The following LOC128125817 variants were observed in gnomAD, a reference collection of about 807,000 sequenced individuals.
the LOC128125817 span, chr1:41,628,620 C>G: frequency 1.3e-6 from 1 of 758,186 alleles, no homozygotes; most frequent in Non-Finnish European, 1.8e-6. Context: ...CACAGAGGCA[C>G]CAGAAAGGCA....
At chr1:41,599,057 T>C in the LOC128125817 span, among the ~76,000 whole-genome samples, 4 of 152,124 alleles carry the variant, frequency 2.6e-5, no homozygotes, top group African/African-American at 9.7e-5. Context: ...GCTCAAGTGA[T>C]CCACCCACCT....
At chr1:41,622,610 G>A in the LOC128125817 span, among the ~76,000 whole-genome samples, 6 of 152,186 alleles carry the variant, frequency 3.9e-5, no homozygotes, top group Non-Finnish European at 5.9e-5. Context: ...CTATATGCCC[G>A]GCAAAGCTTC....
the LOC128125817 span, among the ~76,000 whole-genome samples, chr1:41,608,981 G>A: frequency 8.6e-5 from 13 of 151,930 alleles, no homozygotes; most frequent in African/African-American, 3.1e-4. Flanking sequence ...TTACTTGGAA[G>A]GTTGAGGCAG....
chr1:41,628,391 C>T, the LOC128125817 span, among the ~76,000 whole-genome samples: 5 of 152,188 alleles, frequency 3.3e-5, no homozygotes, highest in Admixed American at 1.3e-4. Context: ...CAGGAGCACA[C>T]AGTTGGACTG....
chr1:41,615,269 G>T, the LOC128125817 span, among the ~76,000 whole-genome samples: 1 of 152,184 alleles, frequency 6.6e-6, no homozygotes, highest in Non-Finnish European at 1.5e-5. Flanking sequence ...AGAACTTCCA[G>T]CATGTTCTCC....
At chr1:41,610,060 T>C in the LOC128125817 span, among the ~76,000 whole-genome samples, 7 of 152,212 alleles carry the variant, frequency 4.6e-5, no homozygotes, top group Admixed American at 2.0e-4. Flanking sequence ...CCTTTAGCCT[T>C]GGCTCCTCCT....
At chr1:41,593,231 C>T in the LOC128125817 span, among the ~76,000 whole-genome samples, 4 of 152,384 alleles carry the variant, frequency 2.6e-5, no homozygotes, top group African/African-American at 9.6e-5. Flanking sequence ...CCTGTCCCCA[C>T]ATGCCCCTCC....
At chr1:41,605,469 C>T in the LOC128125817 span, among the ~76,000 whole-genome samples, 1 of 151,628 alleles carries the variant, frequency 6.6e-6, no homozygotes, top group Non-Finnish European at 1.5e-5. Context: ...GTGTACATAA[C>T]TGTATGTATG....
chr1:41,621,533 G>A, the LOC128125817 span, among the ~76,000 whole-genome samples: 9 of 152,142 alleles, frequency 5.9e-5, no homozygotes, highest in Non-Finnish European at 7.3e-5. Flanking sequence ...TTTGTTTTTC[G>A]AGACAGGGTC....
chr1:41,626,814 G>A, the LOC128125817 span, among the ~76,000 whole-genome samples: 1 of 152,298 alleles, frequency 6.6e-6, no homozygotes, highest in African/African-American at 2.4e-5. Context: ...GACATTCCTG[G>A]GGAAGGGGTC....
At chr1:41,624,092 G>A in the LOC128125817 span, among the ~76,000 whole-genome samples, 3 of 152,120 alleles carry the variant, frequency 2.0e-5, no homozygotes, top group African/African-American at 7.2e-5. Context: ...GCCTCCCTGG[G>A]TTGCGAAGAG....
chr1:41,596,683 C>T, the LOC128125817 span, among the ~76,000 whole-genome samples: 2 of 152,310 alleles, frequency 1.3e-5, no homozygotes, highest in South Asian at 2.1e-4. Flanking sequence ...CTTACACATC[C>T]CCTTTTTATA....
At chr1:41,616,746 C>G in the LOC128125817 span, among the ~76,000 whole-genome samples, 1 of 151,670 alleles carries the variant, frequency 6.6e-6, no homozygotes, top group Non-Finnish European at 1.5e-5. Context: ...TGCTACTGCA[C>G]CTGCTCAATT....
the LOC128125817 span, among the ~76,000 whole-genome samples, chr1:41,593,314 G>GT: frequency 1.5e-4 from 23 of 151,496 alleles, no homozygotes; most frequent in East Asian, 1.4e-3. Context: ...TCTGCGACTT[G>GT]TTTTTTTTCT....
At chr1:41,605,367 G>GCA in the LOC128125817 span, among the ~76,000 whole-genome samples, 4,596 of 111,682 alleles carry the variant, frequency 0.041, 107 homozygotes, top group Admixed American at 0.073. Context: ...ATACACACAC[G>GCA]CACACGCGCA....
the LOC128125817 span, among the ~76,000 whole-genome samples, chr1:41,625,846 T>C: frequency 0.59 from 90,118 of 152,152 alleles, 27,533 homozygotes; most frequent in African/African-American, 0.75. Flanking sequence ...TTAAACAATG[T>C]TAAAAATTTG....
the LOC128125817 span, among the ~76,000 whole-genome samples, chr1:41,604,843 C>T: frequency 6.6e-6 from 1 of 152,016 alleles, no homozygotes; most frequent in African/African-American, 2.4e-5. Flanking sequence ...GTGGCTCATG[C>T]CTATAATCTC....
At chr1:41,602,826 C>T in the LOC128125817 span, among the ~76,000 whole-genome samples, 51,005 of 151,652 alleles carry the variant, frequency 0.34, 11,414 homozygotes, top group African/African-American at 0.6. Context: ...ATTTGAGATC[C>T]TTCTTCTATT....
chr1:41,619,171 T>C, the LOC128125817 span, among the ~76,000 whole-genome samples: 1 of 152,104 alleles, frequency 6.6e-6, no homozygotes, highest in Non-Finnish European at 1.5e-5. Context: ...ACCAGCTTCC[T>C]TGCTGTTCCC....
Sources: gnomAD v4.1 joint callset for allele counts (sites outside exome capture counted in the v4.1 genomes callset) on GRCh38, gnomAD v4.1.1 for gene constraint, MANE v1.5 for transcripts.